The following SF3A1 variants were observed in gnomAD, a reference collection of about 807,000 sequenced individuals.
SF3A1 encodes splicing factor 3a subunit 1, also known as SAP 114.
A neutral mutation model predicts 89.9 loss-of-function variants in SF3A1; 13 were observed. The observed-to-expected ratio is 0.14, with a 90% CI of 0.09 to 0.23. The LOEUF (loss-of-function observed/expected upper bound fraction) is 0.23. Among genes scored for constraint, SF3A1 ranks in the 10% least tolerant of loss-of-function variants. The pLI, the probability that SF3A1 is intolerant of heterozygous loss-of-function variation, is 1.00. For missense variants in SF3A1, 604 were observed against 1,022.1 expected (o/e 0.59, Z 5.58); for synonymous variants, 405 against 374.4 (o/e 1.08, Z -0.94).
At chr22:30,338,365 C>T (rs9606718) in intron 11 of SF3A1, among the ~76,000 whole-genome samples, 1 of 150,802 alleles carries the variant, frequency 6.6e-6, no homozygotes, top group Non-Finnish European at 1.5e-5. Context: ...GGCTGAGGCA[C>T]GAGAATCACT....
At chr22:30,356,181 C>T (rs1000937942) in intron 1 of SF3A1, among the ~76,000 whole-genome samples, 2 of 152,178 alleles carry the variant, frequency 1.3e-5, no homozygotes, top group Non-Finnish European at 2.9e-5. Context: ...TCTCATATGT[C>T]TGTCTTCTCG....
chr22:30,336,061 C>A (rs530519568), intron 13 of SF3A1, among the ~76,000 whole-genome samples: 27 of 152,300 alleles, frequency 1.8e-4, no homozygotes, highest in African/African-American at 6.0e-4. Flanking sequence ...GTCGGAAGAC[C>A]TGGATTCCCA....
chr22:30,352,171 C>T (rs748969800), intron 2 of SF3A1, among the ~76,000 whole-genome samples: 1 of 149,396 alleles, frequency 6.7e-6, no homozygotes, highest in Non-Finnish European at 1.5e-5. Context: ...AATGCCCATT[C>T]CATCTGAGAA....
chr22:30,352,371 C>T (rs901550565), intron 2 of SF3A1, among the ~76,000 whole-genome samples: 1 of 151,964 alleles, frequency 6.6e-6, no homozygotes, highest in African/African-American at 2.4e-5. Context: ...AGGAGGAACT[C>T]GGAACAATGC....
rs1474516364 is a variant in SF3A1, at chr22:30,356,858, T to A, written c.-66A>T. On this transcript the variant is annotated 5_prime_UTR_variant, in exon 1 of 16. Coordinates refer to ENST00000215793, the MANE Select transcript of SF3A1 (RefSeq NM_005877.6). ...TGAGCGGTGCCGCCTCAAGACAGCC[T>A]CCCCGCTCGGTCAGTACGACGAGCT... 1 of 1,243,968 alleles carries A rather than the reference T, an allele frequency of 8.0e-7. No individual in the cohort carries two copies. Among genetic ancestry groups the A allele is most frequent in the African/African-American group, 1.6e-5 (1 of 64,120 alleles). The allele number at this position is 1,243,968 out of a possible 1,614,324, so 77.1% of individuals were successfully genotyped here.
chr22:30,333,626 TTC>T lies in SF3A1; in HGVS notation c.*966_*967del, dbSNP rs1056169468. 1 of 152,252 alleles carries T rather than the reference TTC, an allele frequency of 6.6e-6. No homozygotes were observed. Among genetic ancestry groups the T allele is most frequent in the Non-Finnish European group, 1.5e-5 (1 of 68,046 alleles). The allele number at this position is 152,252 out of a possible 1,614,324, so 9.4% of individuals were successfully genotyped here. A position where few individuals can be genotyped will look rare whatever the true frequency, so the allele number is the denominator to read the frequency against. ...GTGTGACTATGGCATGCAACTTATG[TTC>T]TCTGTGCCTCAGTTTACTCAAGTGT... is the stretch of plus-strand genomic sequence containing the variant. On this transcript the variant is annotated 3_prime_UTR_variant, in exon 16 of 16. Transcript: ENST00000215793.
intron 8 of SF3A1, 105 bp from the exon 9 acceptor site, chr22:30,340,486 C>A: frequency 1.7e-6 from 2 of 1,198,838 alleles, no homozygotes; most frequent in East Asian, 2.3e-5. Context: ...CTATTCAGTG[C>A]CACTCTTGTA....
At position 30,345,101 on chromosome 22, in the gene SF3A1, G is replaced by A. The variant is rs1601696301; in HGVS notation, c.483C>T (p.Ala161=). 1.2e-6 allele frequency: 2 copies of A among 1,614,230 alleles called. No homozygotes were observed. Among genetic ancestry groups the A allele is most frequent in the Non-Finnish European group, 1.7e-6 (2 of 1,180,058 alleles). ...TCAGCTTCACCACATCCAAGTCGAAGGCTGAGATAGAGGGAGGATCAGCAA... is the reference window on the plus strand; with the variant it reads ...TCAGCTTCACCACATCCAAGTCGAAAGCTGAGATAGAGGGAGGATCAGCAA... ...EFIADPPSIS[A]FDLDVVKLTA... The change falls in exon 4 of 16, where the codon GCC becomes GCT. Residue 161 remains alanine, a synonymous_variant. Transcript: ENST00000215793.
intron 1 of SF3A1, among the ~76,000 whole-genome samples, chr22:30,356,122 G>A (rs1187353461): frequency 6.6e-6 from 1 of 152,120 alleles, no homozygotes; most frequent in Non-Finnish European, 1.5e-5. Context: ...AGGGCGGGCT[G>A]GCACTGTATC....
intron 4 of SF3A1, among the ~76,000 whole-genome samples, chr22:30,343,568 T>C (rs1295233929): frequency 2.0e-5 from 3 of 152,162 alleles, no homozygotes; most frequent in Non-Finnish European, 4.4e-5. Flanking sequence ...ACCCCAAGAA[T>C]CTATCTGCTC....
chr22:30,339,990 G>C (rs930534869), intron 9 of SF3A1, among the ~76,000 whole-genome samples: 1 of 152,200 alleles, frequency 6.6e-6, no homozygotes, highest in Non-Finnish European at 1.5e-5. Context: ...ATGTCAACAG[G>C]CACATGGCAT....
intron 13 of SF3A1, among the ~76,000 whole-genome samples, chr22:30,336,394 G>A (rs1434226167): frequency 6.6e-6 from 1 of 152,070 alleles, no homozygotes; most frequent in Non-Finnish European, 1.5e-5. Context: ...GGTGTGTGGT[G>A]CACACCTGTA....
Position 30,334,443 on chromosome 22 carries a change from C to T in SF3A1, c.*151G>A. 1.8e-6 allele frequency: 1 copy of T among 565,272 alleles called. No homozygotes were observed. Among genetic ancestry groups the T allele is most frequent in the Non-Finnish European group, 3.1e-6 (1 of 321,430 alleles). The allele number at this position is 565,272 out of a possible 1,614,324, so 35.0% of individuals were successfully genotyped here. A position where few individuals can be genotyped will look rare whatever the true frequency, so the allele number is the denominator to read the frequency against. On this transcript the variant is annotated 3_prime_UTR_variant, in exon 16 of 16. Coordinates refer to ENST00000215793, the MANE Select transcript of SF3A1 (RefSeq NM_005877.6). ...GTGGGGAAAGGGTCAGGGGAATGAA[C>T]CTCTGCAGGACAATTTGAATTCCCA...
rs769548854 is a variant in SF3A1 at position 30,342,845 on chromosome 22, A to G, written c.686T>C (p.Leu229Pro). 1.9e-5 allele frequency: 31 copies of G among 1,612,888 alleles called. No homozygotes were observed. The highest frequency in any genetic ancestry group is 2.6e-5 in the Non-Finnish European group (31 of 1,179,378). The change falls in exon 5 of 16, where the codon CTC (leucine) becomes CCC (proline). Residue 229 changes from leucine (L) to proline (P), a missense_variant. Transcript: ENST00000215793. ...TCGGGGGTTTTCAGCCTCTTTCTTG[A>G]GCTTTGAAAATAAACCTTTGGGTGG... ...LIPPKGLFSK[L>P]KKEAENPREV...
chr22:30,341,204 G>A (rs1233356383), intron 7 of SF3A1, among the ~76,000 whole-genome samples: 1 of 152,184 alleles, frequency 6.6e-6, no homozygotes, highest in African/African-American at 2.4e-5. Flanking sequence ...CACAGACAGG[G>A]GCCCTTTCTT....
intron 1 of SF3A1, 144 bp from the exon 2 acceptor site, chr22:30,353,216 C>T (rs1034761702): frequency 1.8e-6 from 2 of 1,095,476 alleles, no homozygotes; most frequent in Non-Finnish European, 1.3e-6. Flanking sequence ...TTCAGAAAAG[C>T]AGTTCTCTTA....
At chr22:30,350,989 G>A (rs1050041624) in intron 2 of SF3A1, among the ~76,000 whole-genome samples, 1 of 152,228 alleles carries the variant, frequency 6.6e-6, no homozygotes, top group African/African-American at 2.4e-5. Context: ...TGAATCTGCA[G>A]AGCTGACATA....
At chr22:30,339,580 A>AC (rs1188000431) in intron 9 of SF3A1, among the ~76,000 whole-genome samples, 3 of 152,016 alleles carry the variant, frequency 2.0e-5, no homozygotes, top group African/African-American at 7.3e-5. Flanking sequence ...ACATAGCGAA[A>AC]CCCCGTCTCT....
At chr22:30,342,085 A>T in intron 6 of SF3A1, 115 bp downstream of exon 6, 1 of 1,317,250 alleles carries the variant, frequency 7.6e-7, no homozygotes, top group Non-Finnish European at 1.1e-6. Flanking sequence ...GGGAGGAGAC[A>T]GCACTGATAA....
Sources: gnomAD v4.1 joint callset for allele counts (sites outside exome capture counted in the v4.1 genomes callset) on GRCh38, gnomAD v4.1.1 for gene constraint, MANE v1.5 for transcripts, NCBI Gene and HGNC (gene_info 2026-07-23, HGNC 2026-07-21) for gene names.